Variants in PPP4R4 observed in about 807,000 individuals in gnomAD.
The protein encoded by PPP4R4 is serine/threonine-protein phosphatase 4 regulatory subunit 4.
A neutral mutation model predicts 121.8 loss-of-function variants in PPP4R4; 70 were observed. The ratio of observed to expected loss-of-function variants is 0.57; its 90% CI spans 0.47 to 0.70. The LOEUF is 0.70. PPP4R4 is among the 30% of genes least tolerant of loss of function. The pLI is 0.00. For synonymous variants in PPP4R4, 348 were observed against 355.7 expected (o/e 0.98, Z 0.24); for missense variants, 875 against 1,033.6 (o/e 0.85, Z 2.10).
At chr14:94,193,100 C>G (rs1431789100) in intron 2 of PPP4R4, among the ~76,000 whole-genome samples, 1 of 152,116 alleles carries the variant, frequency 6.6e-6, no homozygotes, top group African/African-American at 2.4e-5. Flanking sequence ...TTCTTGATTG[C>G]AACAAATTGG....
intron 16 of PPP4R4, 115 bp from the exon 17 acceptor site, chr14:94,256,345 T>TA: frequency 2.5e-6 from 2 of 794,606 alleles, no homozygotes; most frequent in South Asian, 2.0e-5. Context: ...ACTCCATGAA[T>TA]ATATCTTGCA....
chr14:94,275,724 C>T (rs1894603972), intron 24 of PPP4R4, among the ~76,000 whole-genome samples: 1 of 152,104 alleles, frequency 6.6e-6, no homozygotes. Context: ...GCATTATAAC[C>T]TTAGGGAATC....
At chr14:94,187,944 A>G (rs1292074848) in intron 2 of PPP4R4, among the ~76,000 whole-genome samples, 1 of 152,110 alleles carries the variant, frequency 6.6e-6, no homozygotes, top group African/African-American at 2.4e-5. Flanking sequence ...CAGTTATGTT[A>G]ATTTAGGTCA....
chr14:94,266,979 A>T lies in PPP4R4; in HGVS notation c.2399A>T (p.Tyr800Phe). Residue 800 changes from tyrosine (Y) to phenylalanine (F), a missense_variant, in exon 23 of 25, where the codon TAT becomes TTT. Coordinates refer to ENST00000304338, the MANE Select transcript of PPP4R4 (RefSeq NM_058237.2). ...TCTAGTAAAAGTTCTACAACAGGAT[A>T]TACAACTTCTGTCTCAGGGTTAGGA... ...KCASKSSTTGYTTSVSGLGKT... is the reference protein window; with the variant it reads ...KCASKSSTTGFTTSVSGLGKT... 1 of 1,592,090 alleles carries T rather than the reference A, an allele frequency of 6.3e-7. No individual in the cohort carries two copies. The highest frequency in any genetic ancestry group is 2.2e-5 in the East Asian group (1 of 44,628).
intron 3 of PPP4R4, among the ~76,000 whole-genome samples, chr14:94,215,168 A>T (rs1366250218): frequency 6.6e-6 from 1 of 152,164 alleles, no homozygotes. Flanking sequence ...ATATATCCTT[A>T]AAAAAATCCT....
intron 2 of PPP4R4, among the ~76,000 whole-genome samples, chr14:94,178,279 T>A (rs1402366957): frequency 1.3e-5 from 2 of 152,072 alleles, no homozygotes; most frequent in Non-Finnish European, 2.9e-5. Context: ...GTCATTGATT[T>A]TCAGGTTTAT....
chr14:94,215,304 T>G (rs190167974), intron 3 of PPP4R4, among the ~76,000 whole-genome samples: 1 of 152,346 alleles, frequency 6.6e-6, no homozygotes, highest in Non-Finnish European at 1.5e-5. Flanking sequence ...TGTAATTTAT[T>G]CTTACAGTTC....
In PPP4R4 at chr14:94,239,232, G is replaced by C. The variant is rs1595511675; in HGVS notation, c.854-1441G>C. Among the ~76,000 whole-genome samples the C allele has an allele frequency of 2.0e-5, 3 of 149,744 alleles. No homozygotes were observed. In the Admixed American group the frequency reaches 2.0e-4, roughly 10 times the overall value. ...TTATTATTATAGTTTAAGTTCTAGG[G>C]TACATGGGCACGACGTGCAGGTTTG... On this transcript the variant is annotated intron_variant, in intron 8 of 24. Coordinates refer to ENST00000304338, the MANE Select transcript of PPP4R4 (RefSeq NM_058237.2).
intron 2 of PPP4R4, among the ~76,000 whole-genome samples, chr14:94,179,926 C>T (rs1193895858): frequency 6.8e-6 from 1 of 147,654 alleles, no homozygotes. Flanking sequence ...TTTAAGATGA[C>T]CATACTGCCA....
chr14:94,211,496 G>A (rs1890735804), intron 3 of PPP4R4, among the ~76,000 whole-genome samples: 1 of 152,096 alleles, frequency 6.6e-6, no homozygotes, highest in Non-Finnish European at 1.5e-5. Context: ...GAGCTGGGTG[G>A]GACTGAGAGA....
In PPP4R4 at chr14:94,233,904, C is replaced by T. The variant is rs573951382; in HGVS notation, c.623+145C>T. ...TTTTAACTTTATGGAATTCTCATGA[C>T]GAATTTACTTATTCAGATGCCTTTC... On this transcript the variant is annotated intron_variant, in intron 6 of 24. Transcript: ENST00000304338. The T allele has an allele frequency of 4.9e-5, 30 of 611,748 alleles. 1 individual carries two copies. Among genetic ancestry groups the T allele is most frequent in the South Asian group, 2.5e-4 (11 of 44,498 alleles). 37.9% of individuals were successfully genotyped at this position (611,748 alleles called of 1,614,324 possible). A position where few individuals can be genotyped will look rare whatever the true frequency, so the allele number is the denominator to read the frequency against.
intron 2 of PPP4R4, among the ~76,000 whole-genome samples, chr14:94,188,886 G>T (rs528999771): frequency 1.3e-5 from 2 of 152,080 alleles, no homozygotes; most frequent in East Asian, 1.9e-4. Flanking sequence ...ATTAAAAAGG[G>T]TTAAAAAATC....
At chr14:94,194,512 T>G (rs982354977) in intron 2 of PPP4R4, among the ~76,000 whole-genome samples, 1 of 152,230 alleles carries the variant, frequency 6.6e-6, no homozygotes, top group Non-Finnish European at 1.5e-5. Flanking sequence ...TATTTAAAAA[T>G]TACATGTGTG....
At chr14:94,205,514 C>T (rs1211860706) in intron 2 of PPP4R4, among the ~76,000 whole-genome samples, 2 of 150,918 alleles carry the variant, frequency 1.3e-5, no homozygotes, top group Non-Finnish European at 3.0e-5. Flanking sequence ...TTTATTTTTT[C>T]TATTTTTATT....
At chr14:94,240,065 G>A (rs1892546019) in intron 8 of PPP4R4, among the ~76,000 whole-genome samples, 1 of 152,138 alleles carries the variant, frequency 6.6e-6, no homozygotes, top group Non-Finnish European at 1.5e-5. Context: ...AAAACTGTGA[G>A]AAATTTGGAG....
At chr14:94,247,179 A>G (rs1892939991) in intron 14 of PPP4R4, among the ~76,000 whole-genome samples, 1 of 152,256 alleles carries the variant, frequency 6.6e-6, no homozygotes. Context: ...GGGATTATTT[A>G]ACTCATAATT....
intron 3 of PPP4R4, among the ~76,000 whole-genome samples, chr14:94,218,399 ACACCTCCT>A (rs1891153506): frequency 8.8e-6 from 1 of 114,284 alleles, no homozygotes; most frequent in Admixed American, 8.7e-5. Flanking sequence ...ACACACACAC[ACACCTCCT>A]CACCCCTAGA....
At position 94,246,544 on chromosome 14, in the gene PPP4R4, G is replaced by T; in HGVS notation, c.1611+5G>T. 6.2e-7 allele frequency: 1 copy of T among 1,603,454 alleles called. No individual in the cohort carries two copies. Among genetic ancestry groups the T allele is most frequent in the Non-Finnish European group, 8.5e-7 (1 of 1,173,976 alleles). Reference sequence around the variant, plus strand: ...TTCACAATCATGATGACAAATGTGAGCTCAGTACCTTTCATCTTATTCTTT... The same window carrying T: ...TTCACAATCATGATGACAAATGTGATCTCAGTACCTTTCATCTTATTCTTT... On this transcript the variant is annotated splice_donor_5th_base_variant and intron_variant, in intron 14 of 24. Coordinates refer to ENST00000304338, the MANE Select transcript of PPP4R4 (RefSeq NM_058237.2).
intron 2 of PPP4R4, among the ~76,000 whole-genome samples, chr14:94,190,965 T>G (rs1346974062): frequency 6.6e-6 from 1 of 152,144 alleles, no homozygotes; most frequent in Non-Finnish European, 1.5e-5. Flanking sequence ...GCATGTGTAT[T>G]AATATAGATA....
Sources: allele counts gnomAD v4.1 joint callset (sites outside exome capture counted in the v4.1 genomes callset), GRCh38; gene constraint gnomAD v4.1.1; transcripts MANE v1.5; gene names NCBI Gene and HGNC (gene_info 2026-07-23, HGNC 2026-07-21).